CMTM4: variants seen among roughly 807,000 people sequenced by gnomAD.
CMTM4 encodes the protein CKLF-like MARVEL transmembrane domain-containing protein 4.
In CMTM4, 8 loss-of-function variants were observed where a neutral mutation model predicts 19.0. The ratio of observed to expected loss-of-function variants is 0.42; its 90% CI spans 0.25 to 0.76. CMTM4 has a LOEUF of 0.76. CMTM4 is among the 30% of genes least tolerant of loss of function. The pLI is 0.27. For synonymous variants in CMTM4, 106 were observed against 121.1 expected (o/e 0.88, Z 0.82); for missense variants, 228 against 290.2 (o/e 0.79, Z 1.56).
chr16:66,646,947 T>C (rs886247705), intron 1 of CMTM4, among the ~76,000 whole-genome samples: 11 of 152,044 alleles, frequency 7.2e-5, no homozygotes, highest in African/African-American at 1.9e-4. Flanking sequence ...CCTCAGGTGA[T>C]CTACCCACTT....
chr16:66,606,653 C>A, the CMTM4 span, among the ~76,000 whole-genome samples: 1 of 152,126 alleles, frequency 6.6e-6, no homozygotes, highest in Non-Finnish European at 1.5e-5. Flanking sequence ...TGACAGAAAC[C>A]AGGGACAGAT....
At chr16:66,610,025 C>T, downstream of CMTM4, 2 of 1,612,464 alleles carry the variant, frequency 1.2e-6, no homozygotes, top group South Asian at 1.1e-5. The surrounding 1 kb of genome is among the most constrained non-coding windows in gnomAD (Gnocchi z 4.6). Flanking sequence ...CCCTGATCAC[C>T]CCAGCAGTGC....
the CMTM4 span, chr16:66,605,063 C>A: frequency 6.3e-5 from 62 of 977,154 alleles, no homozygotes; most frequent in Non-Finnish European, 4.1e-5. The surrounding 1 kb of genome is among the most constrained non-coding windows in gnomAD (Gnocchi z 4.6). Flanking sequence ...TCCGATACCC[C>A]CTCTCCGCGC....
chr16:66,627,716 G>A (rs936601765), intron 2 of CMTM4, among the ~76,000 whole-genome samples: 3 of 151,820 alleles, frequency 2.0e-5, no homozygotes, highest in African/African-American at 7.3e-5. Flanking sequence ...TGTGCTTTGT[G>A]CCTGGCCTCT....
chr16:66,600,138 T>TGTGTGTG, the CMTM4 span, among the ~76,000 whole-genome samples: 5 of 126,210 alleles, frequency 4.0e-5, no homozygotes, highest in Non-Finnish European at 6.6e-5. Flanking sequence ...GTGTGTGTGT[T>TGTGTGTG]TTTTTTTGTT....
Position 66,615,816 on chromosome 16 carries a change from CTGTT to C in CMTM4, c.*6238_*6241del, listed in dbSNP as rs902952231. ...AGGTCAGGGCTCTGATGCTACTCTT[CTGTT>C]TGTAAAATATGGAACCACTTTCTTT... On this transcript the variant is annotated 3_prime_UTR_variant, in exon 4 of 4. Transcript: ENST00000394106. The surrounding 1 kb of genome is among the most constrained non-coding windows in gnomAD (Gnocchi z 4.9). 4.6e-5 allele frequency: 7 copies of C among 152,232 alleles called. No individual in the cohort carries two copies. The highest frequency in any genetic ancestry group is 7.3e-5 in the Non-Finnish European group (5 of 68,046). 9.4% of individuals were successfully genotyped at this position (152,232 alleles called of 1,614,324 possible). A position where few individuals can be genotyped will look rare whatever the true frequency, so the allele number is the denominator to read the frequency against.
downstream of CMTM4, chr16:66,610,736 T>A (rs1454031551): frequency 2.5e-6 from 1 of 398,302 alleles, no homozygotes; most frequent in Non-Finnish European, 4.4e-6. This position sits in a 1 kb window ranked among gnomAD's most constrained non-coding sequence, Gnocchi z 4.6. Context: ...TGCCTGTGGC[T>A]GGACAGGTAG....
chr16:66,622,222 T>G lies in CMTM4; in HGVS notation c.463A>C (p.Ile155Leu). ...GCCGCAGTCGCCAAGAAGCCAAATA[T>G]CTAAAAACACACCAGCACAGTTAGT... is the stretch of plus-strand genomic sequence containing the variant. ...HRAGAEIAAV[I>L]FGFLATAAYA... The change falls in exon 4 of 4, where the codon ATA becomes CTA. Residue 155 changes from isoleucine (I) to leucine (L), a missense_variant and splice_region_variant. By Grantham distance (5) the Ile-to-Leu change is conservative (BLOSUM62 2). Around this residue, in one of 3 missense-constraint regions of CMTM4, gnomAD observed 200 missense variants for 226.6 expected, o/e 0.88. Coordinates refer to ENST00000394106, the MANE Select transcript of CMTM4 (RefSeq NM_181521.3). This position sits in a 1 kb window ranked among gnomAD's most constrained non-coding sequence, Gnocchi z 4.0. 1 of 1,613,590 alleles carries G rather than the reference T, an allele frequency of 6.2e-7. No homozygotes were observed. The highest frequency in any genetic ancestry group is 8.5e-7 in the Non-Finnish European group (1 of 1,179,894).
chr16:66,600,136 G>GGTTTTT, the CMTM4 span, among the ~76,000 whole-genome samples: 804 of 134,956 alleles, frequency 6.0e-3, 33 homozygotes, highest in African/African-American at 0.015. Context: ...GTGTGTGTGT[G>GGTTTTT]TTTTTTTTTG....
intron 2 of CMTM4, among the ~76,000 whole-genome samples, chr16:66,623,967 A>G (rs532671000): frequency 2.1e-4 from 32 of 152,324 alleles, no homozygotes; most frequent in African/African-American, 7.7e-4. Context: ...CTCTTTCTCA[A>G]GCAGTCTTTC....
chr16:66,679,823 CAAAAAAAAAAA>C (rs748044272), intron 1 of CMTM4, among the ~76,000 whole-genome samples: 1 of 64,056 alleles, frequency 1.6e-5, no homozygotes, highest in African/African-American at 5.9e-5. Flanking sequence ...GACTCTATGT[CAAAAAAAAAAA>C]AAAAAAAAAG....
At chr16:66,614,394 G>A (rs2015486995), downstream of CMTM4, among the ~76,000 whole-genome samples, 1 of 152,202 alleles carries the variant, frequency 6.6e-6, no homozygotes, top group Non-Finnish European at 1.5e-5. The surrounding 1 kb of genome is among the most constrained non-coding windows in gnomAD (Gnocchi z 4.9). Flanking sequence ...GGGCTCTCCT[G>A]GTTTGGAAGC....
chr16:66,692,762 C>A (rs1188139453), intron 1 of CMTM4, among the ~76,000 whole-genome samples: 1 of 152,016 alleles, frequency 6.6e-6, no homozygotes, highest in Non-Finnish European at 1.5e-5. Context: ...GAAAACTTAG[C>A]CGGGCGTGCT....
At chr16:66,689,249 A>G (rs2017092773) in intron 1 of CMTM4, among the ~76,000 whole-genome samples, 1 of 152,222 alleles carries the variant, frequency 6.6e-6, no homozygotes, top group South Asian at 2.1e-4. Context: ...AACATTATAT[A>G]TTACAGTATA....
At chr16:66,685,026 A>G (rs1167240714) in intron 1 of CMTM4, among the ~76,000 whole-genome samples, 1 of 152,026 alleles carries the variant, frequency 6.6e-6, no homozygotes, top group African/African-American at 2.4e-5. Context: ...GAATCACCTT[A>G]TTTTCCAAAT....
chr16:66,625,565 G>A (rs980490527), intron 2 of CMTM4, among the ~76,000 whole-genome samples: 1 of 151,864 alleles, frequency 6.6e-6, no homozygotes, highest in Non-Finnish European at 1.5e-5. Context: ...ATGATGAATG[G>A]GAACAGCAAA....
intron 2 of CMTM4, among the ~76,000 whole-genome samples, chr16:66,629,829 C>T (rs1011631734): frequency 4.6e-5 from 7 of 152,150 alleles, no homozygotes; most frequent in African/African-American, 1.7e-4. Flanking sequence ...AATACCTGAA[C>T]GATGGGGTCT....
At chr16:66,641,137 T>G (rs182884191) in intron 1 of CMTM4, among the ~76,000 whole-genome samples, 2 of 152,312 alleles carry the variant, frequency 1.3e-5, no homozygotes, top group East Asian at 3.9e-4. Flanking sequence ...CTTGAACTCC[T>G]AGACTCAAGT....
the CMTM4 span, among the ~76,000 whole-genome samples, chr16:66,607,792 C>T: frequency 6.7e-6 from 1 of 149,016 alleles, no homozygotes; most frequent in African/African-American, 2.5e-5. Flanking sequence ...GGGCCATGCC[C>T]AGGACTGGGA....
Sources: allele counts gnomAD v4.1 joint callset (sites outside exome capture counted in the v4.1 genomes callset), GRCh38; gene constraint gnomAD v4.1.1; regional missense constraint gnomAD v4.1.1; non-coding constraint Gnocchi (gnomAD v3.1); transcripts MANE v1.5; gene names NCBI Gene and HGNC (gene_info 2026-07-23, HGNC 2026-07-21).